The following WIPI1 variants were observed in gnomAD, a reference collection of about 807,000 sequenced individuals.
WIPI1 encodes the protein WD repeat domain phosphoinositide-interacting protein 1.
Under a neutral mutation model 55.3 loss-of-function variants are expected in WIPI1, and 45 were observed. The observed-to-expected ratio is 0.81, with a 90% CI of 0.64 to 1.04. The LOEUF (loss-of-function observed/expected upper bound fraction) is 1.04. WIPI1 is among the 50% of genes least tolerant of loss of function. WIPI1 has a pLI of 0.00. For missense variants in WIPI1, 445 were observed against 559.0 expected (o/e 0.80, Z 2.06); for synonymous variants, 195 against 217.6 (o/e 0.90, Z 0.92).
At chr17:68,437,947 TTAA>T (rs1291064045) in intron 4 of WIPI1, among the ~76,000 whole-genome samples, 5 of 58,806 alleles carry the variant, frequency 8.5e-5, no homozygotes, top group South Asian at 6.5e-4. Context: ...GACATCTCTC[TTAA>T]AAAAAAAAAA....
chr17:68,422,176 C>T, intron 12 of WIPI1: 1 of 207,358 alleles, frequency 4.8e-6, no homozygotes, highest in Non-Finnish European at 1.0e-5. Flanking sequence ...GCCTGTAATC[C>T]CAGAACTTTG....
intron 4 of WIPI1, among the ~76,000 whole-genome samples, chr17:68,439,497 G>A (rs891178320): frequency 1.3e-5 from 2 of 152,130 alleles, no homozygotes; most frequent in African/African-American, 4.8e-5. Context: ...GGGAGTGATG[G>A]CTTAGAGGTA....
In WIPI1 at chr17:68,423,727, T is replaced by C. The variant is rs923133446; in HGVS notation, c.1294-1907A>G. ...CTTACTGGTTCTTCAATTAAGCACC[T>C]CCCCTTTTCCTTTTTACCCCAAATA... On this transcript the variant is annotated intron_variant, in intron 12 of 12. Coordinates refer to ENST00000262139, the MANE Select transcript of WIPI1 (RefSeq NM_017983.7). This position sits in a 1 kb window ranked among gnomAD's most constrained non-coding sequence, Gnocchi z 4.4. Among the ~76,000 whole-genome samples the C allele has an allele frequency of 6.6e-6, 1 of 152,106 alleles. No individual in the cohort carries two copies. Among genetic ancestry groups the C allele is most frequent in the Non-Finnish European group, 1.5e-5 (1 of 67,996 alleles).
intron 8 of WIPI1, among the ~76,000 whole-genome samples, chr17:68,433,171 ATG>A (rs1164665736): frequency 6.6e-6 from 1 of 152,264 alleles, no homozygotes; most frequent in Non-Finnish European, 1.5e-5. Context: ...TACTACTGTT[ATG>A]TTCATTTTGC....
chr17:68,436,329 G>T, intron 5 of WIPI1, 53 bp downstream of exon 5: 1 of 1,544,988 alleles, frequency 6.5e-7, no homozygotes, highest in South Asian at 1.1e-5. Context: ...CTCCTTCCAT[G>T]ACCACACAGC....
At chr17:68,452,359 G>C (rs545995492) in intron 2 of WIPI1, among the ~76,000 whole-genome samples, 1 of 152,348 alleles carries the variant, frequency 6.6e-6, no homozygotes, top group Admixed American at 6.5e-5. Flanking sequence ...AAAGTCAGGA[G>C]TTGGAGACCA....
intron 8 of WIPI1, among the ~76,000 whole-genome samples, chr17:68,430,717 T>C (rs73359904): frequency 0.052 from 7,982 of 152,218 alleles, 707 homozygotes; most frequent in African/African-American, 0.18. Flanking sequence ...TCGCCTACAG[T>C]CATGGAACTT....
At chr17:68,438,825 C>G (rs910245649) in intron 4 of WIPI1, among the ~76,000 whole-genome samples, 1 of 152,332 alleles carries the variant, frequency 6.6e-6, no homozygotes, top group East Asian at 1.9e-4. Flanking sequence ...GTCTCGAACT[C>G]GTGACCTCAG....
intron 1 of WIPI1, among the ~76,000 whole-genome samples, chr17:68,453,345 G>A (rs955250726): frequency 6.6e-6 from 1 of 152,162 alleles, no homozygotes; most frequent in South Asian, 2.1e-4. Flanking sequence ...ATAGCTGAAA[G>A]CTCTACCTCC....
chr17:68,437,287 GC>G (rs1353075521), intron 4 of WIPI1, among the ~76,000 whole-genome samples: 3 of 152,090 alleles, frequency 2.0e-5, no homozygotes, highest in African/African-American at 7.2e-5. Flanking sequence ...AGGCAAGGTG[GC>G]CCACACCTGT....
In WIPI1 at chr17:68,454,910, T is replaced by C. The variant is rs558057884; in HGVS notation, c.81-1918A>G. On this transcript the variant is annotated intron_variant, in intron 1 of 12. Transcript: ENST00000262139. ...ACAGAGTGATGTTTTATGTGATGTTTTACGTGATTGATCAATGGCCACAAA... is the reference window on the plus strand; with the variant it reads ...ACAGAGTGATGTTTTATGTGATGTTCTACGTGATTGATCAATGGCCACAAA... Among the ~76,000 whole-genome samples the C allele has an allele frequency of 2.0e-3, 310 of 152,232 alleles. 1 individual carries two copies. Among genetic ancestry groups the C allele is most frequent in the African/African-American group, 6.9e-3 (287 of 41,538 alleles).
intron 10 of WIPI1, 109 bp downstream of exon 10, chr17:68,428,720 G>T: frequency 1.2e-6 from 1 of 838,236 alleles, no homozygotes; most frequent in Non-Finnish European, 1.9e-6. Context: ...GAGACTGCCA[G>T]TGAAGAACAA....
rs1354396995 is a variant in WIPI1, at chr17:68,452,905, C to T, written c.163+5G>A. Reference sequence around the variant, plus strand: ...ATCCCTGAGGTCTCTCTCACACACACTTACTGCTTCCGTGGACTTGATCCA... The same window carrying T: ...ATCCCTGAGGTCTCTCTCACACACATTTACTGCTTCCGTGGACTTGATCCA... On this transcript the variant is annotated splice_donor_5th_base_variant and intron_variant, in intron 2 of 12. Coordinates refer to ENST00000262139, the MANE Select transcript of WIPI1 (RefSeq NM_017983.7). 1 of 1,613,512 alleles carries T rather than the reference C, an allele frequency of 6.2e-7. No individual in the cohort carries two copies. Among genetic ancestry groups the T allele is most frequent in the East Asian group, 2.2e-5 (1 of 44,882 alleles).
chr17:68,428,479 C>T (rs890002777), intron 10 of WIPI1: 3 of 208,190 alleles, frequency 1.4e-5, no homozygotes, highest in African/African-American at 2.3e-5. Context: ...GCCATCCACC[C>T]GCTTCGGCCT....
intron 4 of WIPI1, among the ~76,000 whole-genome samples, chr17:68,436,993 CAAAAAAAA>C (rs139267277): frequency 0.61 from 75,333 of 124,318 alleles, 19,942 homozygotes; most frequent in African/African-American, 0.68. Context: ...GACCCCGTCT[CAAAAAAAA>C]AAAAATATAT....
At chr17:68,439,763 T>G (rs1170318006) in intron 4 of WIPI1, among the ~76,000 whole-genome samples, 5 of 152,232 alleles carry the variant, frequency 3.3e-5, no homozygotes, top group Admixed American at 1.3e-4. Flanking sequence ...CCGAGTTATT[T>G]GCTGCTCTTT....
rs1486137743 is a variant in WIPI1 at position 68,428,890 on chromosome 17, G to T, written c.1012C>A (p.Leu338Ile). 6.2e-7 allele frequency: 1 copy of T among 1,614,156 alleles called. No homozygotes were observed. The stretch of plus-strand genomic sequence containing the variant: ...TGAGGATCCAAATTGTACATATAAA[G>T]GTGTCCACTGGATGACGCAACTAGC... ...RLLVASSSGHLYMYNLDPQDG... is the reference protein window; with the variant it reads ...RLLVASSSGHIYMYNLDPQDG... Residue 338 changes from leucine to isoleucine, a missense_variant, in exon 10 of 13, where the codon CTT becomes ATT. Physicochemically the swap from Leu to Ile is conservative, Grantham distance 5 (BLOSUM62 2). Coordinates refer to ENST00000262139, the MANE Select transcript of WIPI1 (RefSeq NM_017983.7).
rs57572180 is a variant in WIPI1, at chr17:68,427,131, C to T, written c.1192+4G>A. 2.2e-3 allele frequency: 3,536 copies of T among 1,612,978 alleles called. 76 individuals are homozygous for T. In the African/African-American group the frequency reaches 0.041, roughly 19 times the overall value. ...GCTCCCCTGTTGGCCCCGTGTCCAC[C>T]CACCTGGCACCGTGGAGGCTGAAGA... is the stretch of plus-strand genomic sequence containing the variant. On this transcript the variant is annotated splice_donor_region_variant and intron_variant, in intron 11 of 12. Coordinates refer to ENST00000262139, the MANE Select transcript of WIPI1 (RefSeq NM_017983.7).
chr17:68,456,846 C>T (rs1346094368), intron 1 of WIPI1, among the ~76,000 whole-genome samples: 2 of 152,192 alleles, frequency 1.3e-5, no homozygotes, highest in East Asian at 3.9e-4. Context: ...CCTCTTTGTC[C>T]GAGGCCCTGC....
Sources: gnomAD v4.1 joint callset for allele counts (sites outside exome capture counted in the v4.1 genomes callset) on GRCh38, gnomAD v4.1.1 for gene constraint, Gnocchi (gnomAD v3.1) non-coding constraint, MANE v1.5 for transcripts, NCBI Gene and HGNC (gene_info 2026-07-23, HGNC 2026-07-21) for gene names.